The following NUP35 variants were observed in gnomAD, a reference collection of about 807,000 sequenced individuals.
NUP35 encodes the protein nucleoporin 35.
Under a neutral mutation model 41.5 loss-of-function variants are expected in NUP35, and 25 were observed. That is an observed-to-expected ratio of 0.60 (90% CI 0.44 to 0.84). The LOEUF (loss-of-function observed/expected upper bound fraction) is 0.84, where lower values mean the gene tolerates loss of function less well. Ranked by LOEUF, NUP35 falls within the 40% of genes least tolerant of loss-of-function variation. The pLI, the probability that NUP35 is intolerant of heterozygous loss-of-function variation, is 0.00. For synonymous variants in NUP35, 149 were observed against 130.7 expected, an observed-to-expected ratio of 1.14 and a Z score of -0.96; for missense variants, 396 against 396.6, an observed-to-expected ratio of 1.00 and a Z score of 0.01.
intron 4 of NUP35, among the ~76,000 whole-genome samples, chr2:183,136,583 T>C (rs1028841796): frequency 1.3e-5 from 2 of 152,242 alleles, no homozygotes; most frequent in Non-Finnish European, 2.9e-5. Context: ...TCCTTTGTTA[T>C]GCTTCATATA....
In NUP35 at chr2:183,140,988, A is replaced by C. The variant is rs145607196; in HGVS notation, c.397+7365A>C. ...TTAGTTTACTCTTGCCATTGTAACA[A>C]ATTACCACAAATGTATTGGCTTAAA... On this transcript the variant is annotated intron_variant, in intron 4 of 8. Transcript: ENST00000295119. Among the ~76,000 whole-genome samples, 679 of 152,306 alleles carry C rather than the reference A, an allele frequency of 4.5e-3. 7 individuals are homozygous for C. The highest frequency in any genetic ancestry group is 0.016 in the African/African-American group (647 of 41,564).
At chr2:183,159,730 A>G (rs1685802117) in intron 8 of NUP35, 78 bp downstream of exon 8, 1 of 1,135,610 alleles carries the variant, frequency 8.8e-7, no homozygotes, top group Non-Finnish European at 1.3e-6. Context: ...CATTGTATTG[A>G]TTTGTATGCC....
chr2:183,147,544 G>A (rs1056180393), intron 4 of NUP35, among the ~76,000 whole-genome samples: 1 of 152,136 alleles, frequency 6.6e-6, no homozygotes, highest in African/African-American at 2.4e-5. Flanking sequence ...ATTGGTCTGT[G>A]TACCTATTTT....
intron 4 of NUP35, among the ~76,000 whole-genome samples, chr2:183,134,089 G>A (rs9917390): frequency 0.16 from 24,379 of 152,144 alleles, 2,294 homozygotes; most frequent in African/African-American, 0.25. Context: ...TCTAAATGCC[G>A]TTGAATAGAA....
upstream of NUP35, chr2:183,123,673 A>G (rs1700100185): frequency 2.1e-6 from 1 of 480,310 alleles, no homozygotes; most frequent in Admixed American, 6.4e-5. Context: ...GAGCAAAACT[A>G]AACAATATAT....
At chr2:183,135,889 A>T (rs1404980605) in intron 4 of NUP35, among the ~76,000 whole-genome samples, 1 of 151,414 alleles carries the variant, frequency 6.6e-6, no homozygotes, top group Non-Finnish European at 1.5e-5. Context: ...AAAATTTAAA[A>T]AAAAAAGCAC....
chr2:183,153,420 A>G (rs1027681766), intron 5 of NUP35, among the ~76,000 whole-genome samples: 2 of 152,174 alleles, frequency 1.3e-5, no homozygotes, highest in African/African-American at 4.8e-5. Flanking sequence ...CAAAAGCAAG[A>G]TAGTTATTTC....
At chr2:183,146,965 G>A (rs1685302744) in intron 4 of NUP35, among the ~76,000 whole-genome samples, 3 of 152,100 alleles carry the variant, frequency 2.0e-5, no homozygotes, top group African/African-American at 7.2e-5. Flanking sequence ...GTTTTGAATT[G>A]CAGTCTCTCT....
At chr2:183,126,323 G>C (rs1055671754) in intron 1 of NUP35, among the ~76,000 whole-genome samples, 7 of 152,154 alleles carry the variant, frequency 4.6e-5, no homozygotes. Context: ...GCCTTCTACT[G>C]TGTCTGTATG....
chr2:183,126,288 C>T (rs372545546), intron 1 of NUP35, among the ~76,000 whole-genome samples: 29 of 152,370 alleles, frequency 1.9e-4, no homozygotes, highest in African/African-American at 6.7e-4. Context: ...CTCGGCCTCC[C>T]AAAATCCTGG....
At chr2:183,152,484 C>G (rs1202722227) in intron 5 of NUP35, among the ~76,000 whole-genome samples, 5 of 152,104 alleles carry the variant, frequency 3.3e-5, no homozygotes, top group African/African-American at 1.2e-4. Flanking sequence ...CATTCTTATG[C>G]TTTTGCATCA....
At chr2:183,126,123 C>G (rs2675106) in intron 1 of NUP35, among the ~76,000 whole-genome samples, 124,342 of 151,880 alleles carry the variant, frequency 0.82, 51,396 homozygotes, top group African/African-American at 0.91. Flanking sequence ...TGCAACCTCC[C>G]CCTCCGGGCT....
In NUP35 at chr2:183,128,400, C is replaced by T. The variant is rs757574587; in HGVS notation, c.154C>T (p.Arg52Ter). 7 of 1,613,752 alleles carry T rather than the reference C, an allele frequency of 4.3e-6. No homozygotes were observed. The highest frequency in any genetic ancestry group is 5.9e-6 in the Non-Finnish European group (7 of 1,179,898). ...DLPAPVTPQP[R>*]SISGPSVGVM... ...GCCAGCTCCGGTGACTCCACAACCT[C>T]GATCAATTAGTGGCCCTTCAGTAGG... The change falls in exon 2 of 9, where the codon CGA becomes TGA. Residue 52 changes from arginine (R) to a stop codon, truncating the protein, a stop_gained. Transcript: ENST00000295119. LOFTEE classifies it high-confidence loss of function.
chr2:183,144,154 C>T lies in NUP35; in HGVS notation c.398-7354C>T, dbSNP rs542477609. 4.6e-5 allele frequency among the ~76,000 whole-genome samples: 7 copies of T among 152,300 alleles called. No homozygotes were observed. In the Middle Eastern group the frequency reaches 0.01, roughly 222 times the overall value. The stretch of plus-strand genomic sequence containing the variant: ...AGCCAAAGGAAGACACATAGGGTGA[C>T]GTTGGAAAGGGTTCCAAATGTGAAG... On this transcript the variant is annotated intron_variant, in intron 4 of 8. Transcript: ENST00000295119.
At position 183,161,324 on chromosome 2, in the gene NUP35, A is replaced by G. The variant is rs1685871253; in HGVS notation, c.*193A>G. On this transcript the variant is annotated 3_prime_UTR_variant, in exon 9 of 9. Coordinates refer to ENST00000295119, the MANE Select transcript of NUP35 (RefSeq NM_138285.5). ...TAAAAGATGCTTGAGATACATTTTA[A>G]AGAAAACTAAAAATCCCTGTAAATA... 1 of 409,606 alleles carries G rather than the reference A, an allele frequency of 2.4e-6. No homozygotes were observed. Among genetic ancestry groups the G allele is most frequent in the Non-Finnish European group, 4.5e-6 (1 of 220,866 alleles). 25.4% of individuals were successfully genotyped at this position (409,606 alleles called of 1,614,324 possible). A position where few individuals can be genotyped will look rare whatever the true frequency, so the allele number is the denominator to read the frequency against.
upstream of NUP35, among the ~76,000 whole-genome samples, chr2:183,121,707 T>C (rs1348498357): frequency 6.6e-6 from 1 of 151,336 alleles, no homozygotes; most frequent in Non-Finnish European, 1.5e-5. Context: ...TGTGGTGGCA[T>C]GCGCCTGTAC....
upstream of NUP35, chr2:183,123,847 T>C (rs1700103218): frequency 2.0e-6 from 2 of 983,528 alleles, no homozygotes; most frequent in East Asian, 1.1e-4. Context: ...TTATCTTCCA[T>C]TATTTACATG....
intron 4 of NUP35, among the ~76,000 whole-genome samples, chr2:183,147,922 T>A (rs1199500956): frequency 6.6e-6 from 1 of 152,156 alleles, no homozygotes; most frequent in Non-Finnish European, 1.5e-5. Context: ...TTAATTTTTT[T>A]TTTTTTGATA....
At chr2:183,157,305 G>T in intron 5 of NUP35, 139 bp from the exon 6 acceptor site, 2 of 692,198 alleles carry the variant, frequency 2.9e-6, no homozygotes, top group East Asian at 5.3e-5. Flanking sequence ...CCATATCGGG[G>T]AAAACAGGAT....
Sources: allele counts gnomAD v4.1 joint callset (sites outside exome capture counted in the v4.1 genomes callset), GRCh38; gene constraint gnomAD v4.1.1; transcripts MANE v1.5; gene names NCBI Gene and HGNC (gene_info 2026-07-23, HGNC 2026-07-21).